CNTN4: variants seen among roughly 807,000 people sequenced by gnomAD.
CNTN4 encodes the protein contactin-4.
Under a neutral mutation model 122.5 loss-of-function variants are expected in CNTN4, and 77 were observed. The observed-to-expected ratio is 0.63, with a 90% CI of 0.52 to 0.76. The LOEUF (loss-of-function observed/expected upper bound fraction) is 0.76, where lower values mean the gene tolerates loss of function less well. Ranked by LOEUF, CNTN4 falls within the 30% of genes least tolerant of loss-of-function variation. CNTN4 has a pLI of 0.00. For missense variants in CNTN4, 1,256 were observed against 1,259.1 expected (o/e 1.00, Z 0.04); for synonymous variants, 512 against 447.0 (o/e 1.15, Z -1.83).
intron 4 of CNTN4, among the ~76,000 whole-genome samples, chr3:2,641,592 A>G (rs1277380604): frequency 6.6e-6 from 1 of 152,184 alleles, no homozygotes; most frequent in Non-Finnish European, 1.5e-5. Flanking sequence ...TGGTCTGTTC[A>G]GTGGATGTGT....
chr3:2,132,143 G>T (rs1195699467), intron 2 of CNTN4, among the ~76,000 whole-genome samples: 1 of 152,124 alleles, frequency 6.6e-6, no homozygotes, highest in Non-Finnish European at 1.5e-5. Flanking sequence ...TGATCATTAT[G>T]CTGTGAGGAA....
chr3:2,636,964 G>A (rs141460714), intron 4 of CNTN4, among the ~76,000 whole-genome samples: 73 of 110,394 alleles, frequency 6.6e-4, no homozygotes, highest in African/African-American at 2.3e-3. Context: ...TTGAGATAGC[G>A]TCTCACTCTG....
At chr3:2,924,877 A>AGT (rs2094458589) in intron 12 of CNTN4, among the ~76,000 whole-genome samples, 1 of 152,206 alleles carries the variant, frequency 6.6e-6, no homozygotes, top group East Asian at 1.9e-4. Flanking sequence ...ATATATGAAG[A>AGT]GTGCTATGGG....
chr3:2,737,990 A>G (rs1174260189), intron 5 of CNTN4, among the ~76,000 whole-genome samples: 1 of 152,242 alleles, frequency 6.6e-6, no homozygotes, highest in African/African-American at 2.4e-5. Context: ...CAGCAGAAAG[A>G]GACAAAGGGA....
intron 2 of CNTN4, among the ~76,000 whole-genome samples, chr3:2,146,132 C>G (rs1481238490): frequency 6.6e-6 from 1 of 151,096 alleles, no homozygotes; most frequent in Non-Finnish European, 1.5e-5. Context: ...TATTTTTTAT[C>G]TATATTTGAG....
chr3:2,422,268 C>T (rs1035376147), intron 3 of CNTN4, among the ~76,000 whole-genome samples: 5 of 152,180 alleles, frequency 3.3e-5, no homozygotes, highest in African/African-American at 1.2e-4. Context: ...AAGGAACTCT[C>T]CTTCCCCCTC....
chr3:2,587,708 A>C (rs556191806), intron 4 of CNTN4, among the ~76,000 whole-genome samples: 6 of 152,230 alleles, frequency 3.9e-5, no homozygotes, highest in Non-Finnish European at 8.8e-5. Flanking sequence ...TTGTTTATGG[A>C]TTTCATATTA....
At position 2,496,377 on chromosome 3, in the gene CNTN4, C is replaced by G. The variant is rs555789688; in HGVS notation, c.-88-75039C>G. Among the ~76,000 whole-genome samples the G allele has an allele frequency of 3.0e-3, 450 of 152,232 alleles. 1 individual carries two copies. Among genetic ancestry groups the G allele is most frequent in the Middle Eastern group, 0.014 (4 of 294 alleles). Reference sequence around the variant, plus strand: ...ATTTTAGGGAGCTTAAAAACAATGCCTCTCTTTCTCCACAAAGTTCAGAAG... The same window carrying G: ...ATTTTAGGGAGCTTAAAAACAATGCGTCTCTTTCTCCACAAAGTTCAGAAG... On this transcript the variant is annotated intron_variant, in intron 3 of 24. Transcript: ENST00000418658.
At chr3:2,412,221 G>A (rs572466386) in intron 3 of CNTN4, among the ~76,000 whole-genome samples, 3 of 151,694 alleles carry the variant, frequency 2.0e-5, no homozygotes, top group Non-Finnish European at 4.4e-5. Context: ...CCTCCTCCTA[G>A]TGATGAATAT....
At chr3:3,039,271 G>T in intron 19 of CNTN4, 1 of 392,020 alleles carries the variant, frequency 2.6e-6, no homozygotes, top group Non-Finnish European at 4.7e-6. Flanking sequence ...AAATAAAGAA[G>T]GCTGTTTCAG....
intron 2 of CNTN4, among the ~76,000 whole-genome samples, chr3:2,286,807 T>C (rs1007222309): frequency 1.3e-5 from 2 of 152,102 alleles, no homozygotes; most frequent in Admixed American, 1.3e-4. Context: ...ACATGGTTAA[T>C]CATAGTGTCA....
In CNTN4 at chr3:2,120,372, TAA is replaced by T. The variant is rs1491338850; in HGVS notation, c.-145+19735_-145+19736del. Reference sequence around the variant, plus strand: ...TAGGTTATATATATATATATATATATAAATATATATATATATATATATATATA... The same window carrying T: ...TAGGTTATATATATATATATATATATATATATATATATATATATATATATA... On this transcript the variant is annotated intron_variant, in intron 2 of 24. Transcript: ENST00000418658. Among the ~76,000 whole-genome samples the T allele has an allele frequency of 8.8e-3, 735 of 83,964 alleles. 6 individuals carry two copies. The highest frequency in any genetic ancestry group is 0.036 in the African/African-American group (654 of 18,408). 55.1% of individuals were successfully genotyped at this position (83,964 alleles called of 152,430 possible). A position where few individuals can be genotyped will look rare whatever the true frequency, so the allele number is the denominator to read the frequency against.
At chr3:2,191,705 T>TACACAC (rs753789258) in intron 2 of CNTN4, among the ~76,000 whole-genome samples, 32 of 141,420 alleles carry the variant, frequency 2.3e-4, no homozygotes, top group African/African-American at 2.8e-4. Flanking sequence ...TATATATATA[T>TACACAC]ATATACACAC....
rs556659662 is a variant in CNTN4 at position 2,117,764 on chromosome 3, C to T, written c.-145+17125C>T. On this transcript the variant is annotated intron_variant, in intron 2 of 24. Transcript: ENST00000418658. The stretch of plus-strand genomic sequence containing the variant: ...GCTAATGGAATATTTTAAAATTTCC[C>T]GGGTGATTTTATTAGACACGCAGGG... 1.1e-4 allele frequency among the ~76,000 whole-genome samples: 17 copies of T among 152,162 alleles called. No homozygotes were observed. In the South Asian group the frequency reaches 1.7e-3, roughly 15 times the overall value.
chr3:3,054,983 G>T (rs1701654780), intron 24 of CNTN4, among the ~76,000 whole-genome samples: 1 of 152,168 alleles, frequency 6.6e-6, no homozygotes, highest in Non-Finnish European at 1.5e-5. Flanking sequence ...TTGGTAAAAA[G>T]ATGATATTTT....
rs200870146 is a variant in CNTN4 at position 2,996,571 on chromosome 3, CAG to C, written c.1486+8101_1486+8102del. Among the ~76,000 whole-genome samples, 121 of 152,198 alleles carry C rather than the reference CAG, an allele frequency of 8.0e-4. 1 individual carries two copies. In the East Asian group the frequency reaches 0.019, roughly 24 times the overall value. On this transcript the variant is annotated intron_variant, in intron 14 of 24. Transcript: ENST00000418658. ...AAAACAAACAAACAAAAAAGGCAAACAGAATATGACTCTTTGGCTTCATTATA... is the reference window on the plus strand; with the variant it reads ...AAAACAAACAAACAAAAAAGGCAAACAATATGACTCTTTGGCTTCATTATA...
chr3:2,446,398 A>G (rs1240066773), intron 3 of CNTN4, among the ~76,000 whole-genome samples: 2 of 152,066 alleles, frequency 1.3e-5, no homozygotes, highest in Admixed American at 1.3e-4. Flanking sequence ...TGAGTGTAGA[A>G]TCTGTTTTTC....
chr3:2,287,494 T>TG (rs1168013677), intron 2 of CNTN4, among the ~76,000 whole-genome samples: 1 of 151,564 alleles, frequency 6.6e-6, no homozygotes, highest in African/African-American at 2.4e-5. Context: ...CCCAGCTACT[T>TG]GAGTGGGCTG....
intron 4 of CNTN4, among the ~76,000 whole-genome samples, chr3:2,618,981 C>T (rs1483172167): frequency 6.6e-6 from 1 of 152,158 alleles, no homozygotes. Flanking sequence ...AACCAGTTAT[C>T]TGTAAAATAC....
Sources: gnomAD v4.1 joint callset for allele counts (sites outside exome capture counted in the v4.1 genomes callset) on GRCh38, gnomAD v4.1.1 for gene constraint, MANE v1.5 for transcripts, NCBI Gene and HGNC (gene_info 2026-07-23, HGNC 2026-07-21) for gene names.